MIPOL1: variants seen among roughly 807,000 people sequenced by gnomAD.
The protein encoded by MIPOL1 is mirror-image polydactyly gene 1 protein.
MIPOL1 carries 57 observed loss-of-function variants against 60.9 expected under a neutral mutation model. The observed-to-expected ratio is 0.94, with a 90% CI of 0.76 to 1.17. The LOEUF (loss-of-function observed/expected upper bound fraction) is 1.17. MIPOL1 is among the 50% of genes most tolerant of loss of function. The pLI, the probability that MIPOL1 is intolerant of heterozygous loss-of-function variation, is 0.00. For missense variants in MIPOL1, 551 were observed against 511.6 expected (o/e 1.08, Z -0.74); for synonymous variants, 179 against 168.8 (o/e 1.06, Z -0.47).
intron 9 of MIPOL1, among the ~76,000 whole-genome samples, chr14:37,351,193 A>C (rs1452432755): frequency 2.7e-5 from 4 of 146,584 alleles, no homozygotes; most frequent in Admixed American, 2.1e-4. Flanking sequence ...TTTACTGAGA[A>C]TGATGATTTC....
At chr14:37,521,881 T>C (rs1478320817) in intron 12 of MIPOL1, among the ~76,000 whole-genome samples, 1 of 85,206 alleles carries the variant, frequency 1.2e-5, no homozygotes, top group South Asian at 3.3e-4. Context: ...AGACTTTATC[T>C]AAAGAAAAAA....
At chr14:37,442,170 G>A (rs1047001163) in intron 11 of MIPOL1, among the ~76,000 whole-genome samples, 3 of 151,020 alleles carry the variant, frequency 2.0e-5, no homozygotes, top group Admixed American at 6.6e-5. Flanking sequence ...TTGGCTGTCA[G>A]CTGAATGTTA....
chr14:37,298,427 C>T (rs1385457445), intron 7 of MIPOL1, among the ~76,000 whole-genome samples: 2 of 152,110 alleles, frequency 1.3e-5, no homozygotes, highest in Non-Finnish European at 2.9e-5. Flanking sequence ...AAAGCAATGG[C>T]AACAAAAGCC....
chr14:37,499,129 C>G (rs2095176069), intron 11 of MIPOL1, among the ~76,000 whole-genome samples: 1 of 151,948 alleles, frequency 6.6e-6, no homozygotes, highest in African/African-American at 2.4e-5. Context: ...TTCAAAATGT[C>G]TTTATTTAAT....
intron 1 of MIPOL1, among the ~76,000 whole-genome samples, chr14:37,218,438 T>C (rs547539579): frequency 7.2e-4 from 109 of 152,150 alleles, no homozygotes; most frequent in African/African-American, 2.5e-3. Context: ...TCTTCCTGTC[T>C]TGGCCTCCCA....
chr14:37,298,922 A>G (rs1213821377), intron 7 of MIPOL1, among the ~76,000 whole-genome samples: 5 of 150,266 alleles, frequency 3.3e-5, no homozygotes, highest in East Asian at 1.9e-4. Context: ...TAGAAATACC[A>G]TTTGACCCAG....
At chr14:37,303,830 G>A (rs1378526160) in intron 7 of MIPOL1, among the ~76,000 whole-genome samples, 2 of 151,796 alleles carry the variant, frequency 1.3e-5, no homozygotes, top group African/African-American at 4.8e-5. Flanking sequence ...ACAATTAACA[G>A]TTAATCTGAA....
At chr14:37,399,039 A>G (rs767200972) in intron 10 of MIPOL1, among the ~76,000 whole-genome samples, 6 of 152,348 alleles carry the variant, frequency 3.9e-5, no homozygotes, top group Non-Finnish European at 8.8e-5. Context: ...TATAGAAAGC[A>G]AGATTGCAAT....
chr14:37,498,315 G>T (rs60430501), intron 11 of MIPOL1, among the ~76,000 whole-genome samples: 1 of 151,872 alleles, frequency 6.6e-6, no homozygotes. Flanking sequence ...AATTTAAAAC[G>T]TAATTAACAA....
intron 12 of MIPOL1, 109 bp from the exon 13 acceptor site, chr14:37,546,796 G>T: frequency 1.2e-6 from 1 of 817,532 alleles, no homozygotes; most frequent in South Asian, 1.6e-5. Flanking sequence ...TAACATGACC[G>T]TGAGGACTGC....
chr14:37,245,404 C>T (rs1973041529), intron 1 of MIPOL1, among the ~76,000 whole-genome samples: 1 of 152,044 alleles, frequency 6.6e-6, no homozygotes. Context: ...ATAATAAGTA[C>T]TTTCCAAAAG....
intron 7 of MIPOL1, among the ~76,000 whole-genome samples, chr14:37,302,551 T>G (rs1162040309): frequency 1.3e-5 from 2 of 151,662 alleles, no homozygotes; most frequent in African/African-American, 4.8e-5. Context: ...TGATGTCTTG[T>G]TTTTTTGAGT....
At chr14:37,408,708 AAC>A (rs2093633342) in intron 10 of MIPOL1, among the ~76,000 whole-genome samples, 4 of 152,188 alleles carry the variant, frequency 2.6e-5, no homozygotes, top group Admixed American at 2.6e-4. Flanking sequence ...GAGAATTATA[AAC>A]AGTTTCATCT....
At chr14:37,490,970 GTC>G (rs935051208) in intron 11 of MIPOL1, among the ~76,000 whole-genome samples, 13 of 152,134 alleles carry the variant, frequency 8.5e-5, no homozygotes, top group African/African-American at 3.1e-4. Flanking sequence ...AAAAGCAGAA[GTC>G]TCCCTTCTAT....
intron 9 of MIPOL1, among the ~76,000 whole-genome samples, chr14:37,317,734 T>C (rs956185266): frequency 6.6e-6 from 1 of 152,192 alleles, no homozygotes; most frequent in African/African-American, 2.4e-5. Context: ...AAAAAGGCAC[T>C]AGAAATAAAG....
chr14:37,298,788 T>C (rs2153426222), intron 7 of MIPOL1, among the ~76,000 whole-genome samples: 1 of 151,446 alleles, frequency 6.6e-6, no homozygotes, highest in African/African-American at 2.4e-5. Context: ...CATTAAAAAG[T>C]CAGGAAACAA....
intron 11 of MIPOL1, among the ~76,000 whole-genome samples, chr14:37,459,782 G>C (rs1391905384): frequency 6.6e-6 from 1 of 152,072 alleles, no homozygotes; most frequent in Non-Finnish European, 1.5e-5. Context: ...CAAAATTTTA[G>C]CAAACAGGCT....
intron 11 of MIPOL1, among the ~76,000 whole-genome samples, chr14:37,445,835 T>C (rs2094325295): frequency 6.6e-6 from 1 of 152,200 alleles, no homozygotes; most frequent in South Asian, 2.1e-4. Context: ...GGATTCCCTG[T>C]TTAATAAATG....
Position 37,290,199 on chromosome 14 carries a change from C to T in MIPOL1, c.623+4752C>T, listed in dbSNP as rs940601455. 2.9e-4 allele frequency among the ~76,000 whole-genome samples: 44 copies of T among 152,030 alleles called. 1 individual carries two copies. The highest frequency in any genetic ancestry group is 1.1e-3 in the African/African-American group (44 of 41,406). ...CCTGAAAAGAAGTCTTGACAGATTCCCCATCCCCTTGTGTGTGTGGGTTTT... is the reference window on the plus strand; with the variant it reads ...CCTGAAAAGAAGTCTTGACAGATTCTCCATCCCCTTGTGTGTGTGGGTTTT... On this transcript the variant is annotated intron_variant, in intron 7 of 12. Transcript: ENST00000684589.
Sources: gnomAD v4.1 joint callset for allele counts (sites outside exome capture counted in the v4.1 genomes callset) on GRCh38, gnomAD v4.1.1 for gene constraint, MANE v1.5 for transcripts, NCBI Gene and HGNC (gene_info 2026-07-23, HGNC 2026-07-21) for gene names.